Variants in EIF1AX observed in about 807,000 individuals in gnomAD.
EIF1AX encodes the protein eukaryotic translation initiation factor 1A, X-chromosomal.
Under a neutral mutation model 16.1 loss-of-function variants are expected in EIF1AX, and 1 was observed. That is an observed-to-expected ratio of 0.06 (90% CI 0.02 to 0.30). The LOEUF (loss-of-function observed/expected upper bound fraction) is 0.30, where lower values mean the gene tolerates loss of function less well. Ranked by LOEUF, EIF1AX falls within the 10% of genes least tolerant of loss-of-function variation. EIF1AX has a pLI of 1.00. For synonymous variants in EIF1AX, 32 were observed against 37.3 expected (o/e 0.86, Z 0.51); for missense variants, 11 against 109.1 (o/e 0.10, Z 4.00).
chrX:20,128,352 C>A (rs1197492582), intron 6 of EIF1AX, 41 bp from the exon 7 acceptor site: 1 of 1,150,252 alleles, frequency 8.7e-7, no homozygotes, highest in East Asian at 3.0e-5. Flanking sequence ...AAAAAGAATT[C>A]TTATATTCCA....
In EIF1AX at chrX:20,136,617, T is replaced by C. The variant is rs192928828; in HGVS notation, c.101-776A>G. On this transcript the variant is annotated intron_variant, in intron 2 of 6. Coordinates refer to ENST00000379607, the MANE Select transcript of EIF1AX (RefSeq NM_001412.4). ...CTTTGTTGAATTAGAATATGACTAA[T>C]CCCCAGAGAGGATGTCCATTAATTT... Among the ~76,000 whole-genome samples, 495 of 112,136 alleles carry C rather than the reference T, an allele frequency of 4.4e-3. 1 individual carries two copies. The highest frequency in any genetic ancestry group is 9.3e-3 in the Middle Eastern group (2 of 215).
In EIF1AX at chrX:20,130,302, CAAAAAAAAAA is replaced by C. The variant is rs773734086; in HGVS notation, c.429+204_429+213del. ...TGGGTGACAGAACAAAACTCCATCA[CAAAAAAAAAA>C]AAAAAAAAAAAAAAAAAAAGAATTC... On this transcript the variant is annotated intron_variant, in intron 6 of 6. Coordinates refer to ENST00000379607, the MANE Select transcript of EIF1AX (RefSeq NM_001412.4). Among the ~76,000 whole-genome samples, 22 of 28,477 alleles carry C rather than the reference CAAAAAAAAAA, an allele frequency of 7.7e-4. 1 individual carries two copies. The highest frequency in any genetic ancestry group is 7.5e-4 in the Non-Finnish European group (11 of 14,727). 24.7% of individuals were successfully genotyped at this position (28,477 alleles called of 115,157 possible).
intron 2 of EIF1AX, among the ~76,000 whole-genome samples, chrX:20,137,857 A>C (rs922722271): frequency 9.0e-6 from 1 of 110,829 alleles, no homozygotes; most frequent in Non-Finnish European, 1.9e-5. Context: ...AGAACTGTCA[A>C]CCATAGCTCA....
At chrX:20,133,652 G>A (rs1019227399) in intron 4 of EIF1AX, among the ~76,000 whole-genome samples, 2 of 111,024 alleles carry the variant, frequency 1.8e-5, no homozygotes, top group Non-Finnish European at 3.8e-5. Context: ...TTACCATCAC[G>A]AAAGGCAACC....
At position 20,130,336 on chromosome X, in the gene EIF1AX, T is replaced by C. The variant is rs762985498; in HGVS notation, c.429+180A>G. ...AAAAAAAAAAAAAAAAAAAAAGAAT[T>C]CTCAAAATATAAACAGTTTGACCAG... On this transcript the variant is annotated intron_variant, in intron 6 of 6. Coordinates refer to ENST00000379607, the MANE Select transcript of EIF1AX (RefSeq NM_001412.4). 1.7e-3 allele frequency among the ~76,000 whole-genome samples: 173 copies of C among 99,192 alleles called. 3 individuals carry two copies. The highest frequency in any genetic ancestry group is 5.5e-3 in the African/African-American group (146 of 26,414). 86.1% of individuals were successfully genotyped at this position (99,192 alleles called of 115,157 possible). A position where few individuals can be genotyped will look rare whatever the true frequency, so the allele number is the denominator to read the frequency against.
intron 2 of EIF1AX, 40 bp downstream of exon 2, chrX:20,138,499 G>A: frequency 9.6e-7 from 1 of 1,038,293 alleles, no homozygotes; most frequent in South Asian, 1.9e-5. Flanking sequence ...AAAAAAGAAA[G>A]GATGTTATTT....
intron 2 of EIF1AX, among the ~76,000 whole-genome samples, chrX:20,136,690 C>T (rs1328495543): frequency 1.8e-5 from 2 of 112,029 alleles, no homozygotes; most frequent in Non-Finnish European, 3.8e-5. Flanking sequence ...GTGGGGATGA[C>T]TTGTGGAAGT....
chrX:20,130,851 T>C (rs2066999264), intron 5 of EIF1AX, among the ~76,000 whole-genome samples: 1 of 111,791 alleles, frequency 8.9e-6, no homozygotes, highest in Non-Finnish European at 1.9e-5. Flanking sequence ...AACTTTCAGG[T>C]ATACTTCTCA....
intron 6 of EIF1AX, 132 bp from the exon 7 acceptor site, chrX:20,128,443 T>C (rs1300293789): frequency 4.3e-6 from 2 of 468,824 alleles, no homozygotes; most frequent in African/African-American, 2.5e-5. Context: ...AAGAAATTCC[T>C]ATAATTCTGG....
At chrX:20,131,360 T>C (rs73447103) in intron 5 of EIF1AX, among the ~76,000 whole-genome samples, 2,832 of 111,778 alleles carry the variant, frequency 0.025, 87 homozygotes, top group African/African-American at 0.086. Context: ...AGGCCGGGCA[T>C]GGTGGTTCAC....
At chrX:20,136,771 C>T (rs748062059) in intron 2 of EIF1AX, among the ~76,000 whole-genome samples, 1 of 111,596 alleles carries the variant, frequency 9.0e-6, no homozygotes, top group Admixed American at 9.5e-5. Context: ...TCAAAGGCAG[C>T]CTTTCTTCTG....
intron 6 of EIF1AX, among the ~76,000 whole-genome samples, chrX:20,128,613 C>T (rs1467908063): frequency 1.8e-5 from 2 of 111,961 alleles, no homozygotes; most frequent in Admixed American, 1.9e-4. Flanking sequence ...TGATTGATCC[C>T]GTTCAGTGTG....
chrX:20,139,056 T>A, intron 1 of EIF1AX, among the ~76,000 whole-genome samples: 1 of 111,780 alleles, frequency 8.9e-6, no homozygotes. Context: ...CAGAGAACTG[T>A]GGTTTTCAAA....
At chrX:20,134,161 C>T (rs914833352) in intron 3 of EIF1AX, among the ~76,000 whole-genome samples, 154 bp from the exon 4 acceptor site, 1 of 112,107 alleles carries the variant, frequency 8.9e-6, no homozygotes, top group Non-Finnish European at 1.9e-5. Flanking sequence ...CCAAGGTGGG[C>T]GGATCACCTG....
At position 20,125,667 on chromosome X, in the gene EIF1AX, CAG is replaced by C. The variant is rs774665241; in HGVS notation, c.*2637_*2638del. The C allele has an allele frequency of 1.0e-4, 17 of 162,565 alleles. No homozygotes were observed. The East Asian group carries it at 1.5e-3, about 14-fold the overall frequency. The allele number at this position is 162,565 out of a possible 1,213,427, so 13.4% of individuals were successfully genotyped here. A position where few individuals can be genotyped will look rare whatever the true frequency, so the allele number is the denominator to read the frequency against. On this transcript the variant is annotated 3_prime_UTR_variant, in exon 7 of 7. Coordinates refer to ENST00000379607, the MANE Select transcript of EIF1AX (RefSeq NM_001412.4). ...ACATGCTTTTACCTATTTGATTACT[CAG>C]AGTTACTCTGAAATCAATAATGACA...
At chrX:20,141,256 C>T (rs1303434382) in intron 1 of EIF1AX, among the ~76,000 whole-genome samples, 1 of 111,585 alleles carries the variant, frequency 9.0e-6, no homozygotes, top group African/African-American at 3.3e-5. Context: ...GGGATTATAA[C>T]CCCTCATGCC....
At chrX:20,132,968 G>C (rs1280322467) in intron 4 of EIF1AX, among the ~76,000 whole-genome samples, 2 of 111,839 alleles carry the variant, frequency 1.8e-5, no homozygotes, top group Admixed American at 9.5e-5. Flanking sequence ...AAAGTGTATA[G>C]AAGCCTATGG....
intron 2 of EIF1AX, 23 bp downstream of exon 2, chrX:20,138,516 G>C: frequency 8.9e-7 from 1 of 1,117,604 alleles, no homozygotes; most frequent in Non-Finnish European, 1.2e-6. Flanking sequence ...ATTTTAAAAA[G>C]CGTAATTTAT....
intron 1 of EIF1AX, 28 bp from the exon 2 acceptor site, chrX:20,138,650 G>A: frequency 1.0e-6 from 1 of 1,002,206 alleles, no homozygotes; most frequent in Non-Finnish European, 1.4e-6. Context: ...AGAAAAGGAG[G>A]TAAATGACAT....
Sources: allele counts gnomAD v4.1 joint callset (sites outside exome capture counted in the v4.1 genomes callset), GRCh38; gene constraint gnomAD v4.1.1; transcripts MANE v1.5; gene names NCBI Gene and HGNC (gene_info 2026-07-23, HGNC 2026-07-21).